PA2G4: variants seen among roughly 807,000 people sequenced by gnomAD.
PA2G4 encodes the protein proliferation-associated 2G4, also known as proliferation-associated protein 2G4.
PA2G4 carries 8 observed loss-of-function variants against 53.3 expected under a neutral mutation model. That is an observed-to-expected ratio of 0.15 (90% confidence interval 0.09 to 0.27). PA2G4 has a LOEUF of 0.27. Among genes scored for constraint, PA2G4 ranks in the 10% least tolerant of loss-of-function variants. PA2G4 has a pLI of 1.00. For synonymous variants in PA2G4, 143 were observed against 169.8 expected, an observed-to-expected ratio of 0.84 and a Z score of 1.23; for missense variants, 208 against 486.8, an observed-to-expected ratio of 0.43 and a Z score of 5.39.
At chr12:56,112,382 T>C (rs1869447658) in intron 12 of PA2G4, among the ~76,000 whole-genome samples, 1 of 152,242 alleles carries the variant, frequency 6.6e-6, no homozygotes, top group African/African-American at 2.4e-5. Context: ...TTTCACGCCA[T>C]TGTGAAGTTG....
chr12:56,113,789 G>A lies in PA2G4; in HGVS notation c.*901G>A, dbSNP rs531690096. On this transcript the variant is annotated 3_prime_UTR_variant, in exon 13 of 13. Coordinates refer to ENST00000303305, the MANE Select transcript of PA2G4 (RefSeq NM_006191.3). ...TTGCTGGGGGTTTGTAGAGAAAGGTGACAAATTTCAGTACCTCTGGCATGC... is the reference window on the plus strand; with the variant it reads ...TTGCTGGGGGTTTGTAGAGAAAGGTAACAAATTTCAGTACCTCTGGCATGC... 2.9e-6 allele frequency: 2 copies of A among 698,634 alleles called. No homozygotes were observed. Among genetic ancestry groups the A allele is most frequent in the South Asian group, 3.0e-5 (2 of 67,040 alleles). 43.3% of individuals were successfully genotyped at this position (698,634 alleles called of 1,614,324 possible). A position where few individuals can be genotyped will look rare whatever the true frequency, so the allele number is the denominator to read the frequency against.
intron 5 of PA2G4, among the ~76,000 whole-genome samples, chr12:56,108,439 C>G (rs933731157): frequency 6.6e-6 from 1 of 152,210 alleles, no homozygotes; most frequent in Non-Finnish European, 1.5e-5. Flanking sequence ...AGCTGGTCCT[C>G]AGCTTGATGC....
intron 5 of PA2G4, 30 bp from the exon 6 acceptor site, chr12:56,109,200 C>A: frequency 4.0e-6 from 6 of 1,492,632 alleles, no homozygotes; most frequent in South Asian, 1.1e-5. Context: ...CTCCTGATAT[C>A]TCACCTTTCA....
At chr12:56,110,813 T>A (rs1286841484) in intron 9 of PA2G4, 121 bp downstream of exon 9, 1 of 1,326,674 alleles carries the variant, frequency 7.5e-7, no homozygotes, top group African/African-American at 1.4e-5. Context: ...CCTCCCTCTC[T>A]CTCCCCATCT....
chr12:56,113,011 C>T lies in PA2G4; in HGVS notation c.*123C>T. On this transcript the variant is annotated 3_prime_UTR_variant, in exon 13 of 13. Transcript: ENST00000303305. ...CAGCAGAGCGGGGGGATCTCCCTGC[C>T]CCCACCCCAGTTCCCCAACCCACTC... 2 of 596,706 alleles carry T rather than the reference C, an allele frequency of 3.4e-6. No individual in the cohort carries two copies. The highest frequency in any genetic ancestry group is 5.6e-6 in the Non-Finnish European group (2 of 358,752). 37.0% of individuals were successfully genotyped at this position (596,706 alleles called of 1,614,324 possible). A position where few individuals can be genotyped will look rare whatever the true frequency, so the allele number is the denominator to read the frequency against.
chr12:56,109,095 C>T, intron 5 of PA2G4, 135 bp from the exon 6 acceptor site: 1 of 499,450 alleles, frequency 2.0e-6, no homozygotes. Context: ...CACTGCACTC[C>T]AGCCTGGTGA....
intron 7 of PA2G4, among the ~76,000 whole-genome samples, chr12:56,110,150 C>T (rs1225296710): frequency 6.6e-6 from 1 of 151,740 alleles, no homozygotes; most frequent in Non-Finnish European, 1.5e-5. Flanking sequence ...CCTGAGGTCA[C>T]GAGTTCAGAA....
In PA2G4 at chr12:56,106,730, A is replaced by AG. The variant is rs398019698; in HGVS notation, c.217+14_217+15insG. 5.1e-6 allele frequency: 8 copies of AG among 1,574,306 alleles called. No individual in the cohort carries two copies. The South Asian group carries it at 9.5e-5, about 19-fold the overall frequency. On this transcript the variant is annotated intron_variant, in intron 2 of 12. Transcript: ENST00000303305. ...AAATGAAGAAAGGTAAAAAAAAAAA[A>AG]TCCCTCACTAATTTTCCGTTTGACC...
Position 56,109,907 on chromosome 12 carries a change from A to G in PA2G4, c.601A>G (p.Ile201Val). 6.2e-7 allele frequency: 1 copy of G among 1,613,890 alleles called. No individual in the cohort carries two copies. The highest frequency in any genetic ancestry group is 8.5e-7 in the Non-Finnish European group (1 of 1,179,766). Residue 201 changes from isoleucine (I) to valine (V), a missense_variant, in exon 7 of 13, where the codon ATT becomes GTT. Coordinates refer to ENST00000303305, the MANE Select transcript of PA2G4 (RefSeq NM_006191.3). ...GCATGTCATCGATGGAGAAAAAACC[A>G]TTATCCAGAATCCCACAGACCAGCA... Reference protein sequence around the residue: ...KQHVIDGEKTIIQNPTDQQKK... With the variant: ...KQHVIDGEKTVIQNPTDQQKK...
intron 1 of PA2G4, 66 bp from the exon 2 acceptor site, chr12:56,106,522 T>A: frequency 7.0e-7 from 1 of 1,435,282 alleles, no homozygotes; most frequent in Non-Finnish European, 9.1e-7. Context: ...AACTTCCAGG[T>A]ATTCCTTGGG....
intron 2 of PA2G4, 63 bp downstream of exon 2, chr12:56,106,779 AT>A (rs1030101011): frequency 6.5e-7 from 1 of 1,538,844 alleles, no homozygotes; most frequent in Non-Finnish European, 8.7e-7. Context: ...ATATGTTTTT[AT>A]TTTTTTCACT....
Position 56,111,487 on chromosome 12 carries a change from G to C in PA2G4, c.1077G>C (p.Gln359His). The C allele has an allele frequency of 6.2e-7, 1 of 1,613,698 alleles. No individual in the cohort carries two copies. The highest frequency in any genetic ancestry group is 1.1e-5 in the South Asian group (1 of 91,006). Residue 359 changes from glutamine to histidine, a missense_variant, in exon 12 of 13, where the codon CAG (glutamine) becomes CAC (histidine). Transcript: ENST00000303305. ...VQDAELKALL[Q>H]SSASRKTQKK... The stretch of plus-strand genomic sequence containing the variant: ...TTCCTGTTTTCCAGGCCCTCCTCCA[G>C]AGTTCTGCAAGTCGAAAAACCCAGA...
chr12:56,106,798 C>T lies in PA2G4; in HGVS notation c.217+82C>T, dbSNP rs76619562. ...GTTTTTATTTTTTTCACTGTAATGA[C>T]GCAGTCCCCACCCCAGCTCTGGCTG... is the stretch of plus-strand genomic sequence containing the variant. On this transcript the variant is annotated intron_variant, in intron 2 of 12. Transcript: ENST00000303305. 5.1e-4 allele frequency: 768 copies of T among 1,501,472 alleles called. 13 individuals are homozygous for T. In the East Asian group the frequency reaches 0.012, roughly 24 times the overall value. 93.0% of individuals were successfully genotyped at this position (1,501,472 alleles called of 1,614,324 possible).
At chr12:56,109,981 C>G (rs148206233) in intron 7 of PA2G4, 46 bp downstream of exon 7, 1 of 1,377,856 alleles carries the variant, frequency 7.3e-7, no homozygotes, top group Admixed American at 1.7e-5. Context: ...CAAGACTAGT[C>G]ATCAGGTTTT....
chr12:56,107,431 T>A (rs1209318923), intron 4 of PA2G4, 90 bp from the exon 5 acceptor site: 2 of 1,062,196 alleles, frequency 1.9e-6, no homozygotes, highest in Non-Finnish European at 2.9e-6. Flanking sequence ...TTGGCTGGTC[T>A]TCGCATATGG....
intron 2 of PA2G4, 85 bp from the exon 3 acceptor site, chr12:56,106,905 C>T (rs1417288845): frequency 9.9e-6 from 13 of 1,316,344 alleles, no homozygotes; most frequent in Non-Finnish European, 1.4e-5. Context: ...AAGCAAGACC[C>T]TGAAAAAATC....
At position 56,107,251 on chromosome 12, in the gene PA2G4, G is replaced by T; in HGVS notation, c.388G>T (p.Ala130Ser). The change falls in exon 4 of 13, where the codon GCT becomes TCT. Residue 130 changes from alanine to serine, a missense_variant. Physicochemically the swap from Ala to Ser is moderately conservative, Grantham distance 99. This residue lies in a region of PA2G4 where 143 missense variants were observed against 386.8 expected (regional missense o/e 0.37). Coordinates refer to ENST00000303305, the MANE Select transcript of PA2G4 (RefSeq NM_006191.3). ...AGCTCACACTTTTGTGGTTGATGTA[G>T]CTCAGGTAGGTGGCCTGCTTTTGAT... ...NVAHTFVVDV[A>S]QGTQVTGRKA... 6.2e-7 allele frequency: 1 copy of T among 1,611,762 alleles called. No individual in the cohort carries two copies. The highest frequency in any genetic ancestry group is 2.0e-4 in the Middle Eastern group (1 of 5,076).
At chr12:56,108,997 G>A (rs1480088061) in intron 5 of PA2G4, among the ~76,000 whole-genome samples, 6 of 151,622 alleles carry the variant, frequency 4.0e-5, no homozygotes, top group Non-Finnish European at 5.9e-5. Flanking sequence ...GTGGTGTTGC[G>A]TGCCTGTAAT....
chr12:56,110,820 A>G (rs1869405466), intron 9 of PA2G4, 128 bp downstream of exon 9: 1 of 1,315,010 alleles, frequency 7.6e-7, no homozygotes, highest in East Asian at 2.3e-5. Flanking sequence ...CTCTCTCCCC[A>G]TCTCCTTCTC....
Sources: allele counts gnomAD v4.1 joint callset (sites outside exome capture counted in the v4.1 genomes callset), GRCh38; gene constraint gnomAD v4.1.1; regional missense constraint gnomAD v4.1.1; transcripts MANE v1.5; gene names NCBI Gene and HGNC (gene_info 2026-07-23, HGNC 2026-07-21).